Variants in GPC5 observed in about 807,000 individuals in gnomAD.
The protein encoded by GPC5 is glypican 5.
A neutral mutation model predicts 53.9 loss-of-function variants in GPC5; 47 were observed. The ratio of observed to expected loss-of-function variants is 0.87; its 90% confidence interval spans 0.69 to 1.11. The LOEUF is 1.11. Among genes scored for constraint, GPC5 ranks in the 50% most tolerant of loss-of-function variants. GPC5 has a pLI of 0.00. For missense variants in GPC5, 748 were observed against 713.1 expected, an observed-to-expected ratio of 1.05 and a Z score of -0.56; for synonymous variants, 286 against 263.3, an observed-to-expected ratio of 1.09 and a Z score of -0.84.
intron 2 of GPC5, among the ~76,000 whole-genome samples, chr13:91,478,834 CAT>C (rs1566435406): frequency 3.2e-4 from 25 of 78,380 alleles, no homozygotes; most frequent in South Asian, 1.3e-3. Flanking sequence ...CACACACACA[CAT>C]ATATATACAC....
chr13:92,007,877 T>C (rs2040621840), intron 6 of GPC5, among the ~76,000 whole-genome samples: 1 of 152,138 alleles, frequency 6.6e-6, no homozygotes, highest in Non-Finnish European at 1.5e-5. Context: ...AGTCTCCCTT[T>C]ATGCCATGTA....
At chr13:92,354,072 G>T (rs1291037804) in intron 7 of GPC5, among the ~76,000 whole-genome samples, 2 of 152,046 alleles carry the variant, frequency 1.3e-5, no homozygotes, top group South Asian at 4.1e-4. Flanking sequence ...AATAAGTCTT[G>T]TTACCAACAT....
chr13:92,768,476 T>G (rs1875493671), intron 7 of GPC5, among the ~76,000 whole-genome samples: 1 of 152,184 alleles, frequency 6.6e-6, no homozygotes, highest in East Asian at 1.9e-4. Context: ...TTTTATCTAA[T>G]TCATTTCTCT....
intron 3 of GPC5, among the ~76,000 whole-genome samples, chr13:91,709,229 T>G (rs1269217862): frequency 6.6e-6 from 1 of 152,226 alleles, no homozygotes; most frequent in Non-Finnish European, 1.5e-5. Flanking sequence ...GTCTACTCTC[T>G]ACACAGAAGT....
At chr13:92,078,121 A>G (rs1388987448) in intron 6 of GPC5, among the ~76,000 whole-genome samples, 1 of 152,222 alleles carries the variant, frequency 6.6e-6, no homozygotes, top group Admixed American at 6.5e-5. Flanking sequence ...CCAAATTATA[A>G]TTAGCTAAAG....
chr13:92,860,945 T>G (rs1879158817), intron 7 of GPC5, among the ~76,000 whole-genome samples: 1 of 152,074 alleles, frequency 6.6e-6, no homozygotes, highest in South Asian at 2.1e-4. Context: ...ACCTAATTAT[T>G]GCTAAATGCT....
intron 5 of GPC5, among the ~76,000 whole-genome samples, chr13:91,801,081 C>T (rs1372970276): frequency 6.6e-6 from 1 of 152,080 alleles, no homozygotes; most frequent in East Asian, 1.9e-4. Context: ...TTGAAATTCT[C>T]TTAAATAGAA....
rs576701404 is a variant in GPC5, at chr13:92,740,557, T to C, written c.1562-125725T>C. 2.6e-5 allele frequency among the ~76,000 whole-genome samples: 4 copies of C among 152,158 alleles called. No homozygotes were observed. In the South Asian group the frequency reaches 8.3e-4, roughly 32 times the overall value. On this transcript the variant is annotated intron_variant, in intron 7 of 7. Transcript: ENST00000377067. ...AAGTGCTTGGTATGTATAGAACATG[T>C]TGAGCATTAAATAACTAAATTATTA...
chr13:92,689,240 C>G (rs1887325054), intron 7 of GPC5, among the ~76,000 whole-genome samples: 1 of 66,790 alleles, frequency 1.5e-5, no homozygotes, highest in Non-Finnish European at 3.8e-5. Flanking sequence ...CTTTATGAAT[C>G]TGGGTGCTCC....
At chr13:91,948,731 T>C (rs1238628277) in intron 6 of GPC5, among the ~76,000 whole-genome samples, 1 of 152,224 alleles carries the variant, frequency 6.6e-6, no homozygotes, top group Admixed American at 6.5e-5. Context: ...ATGTGATAAG[T>C]ACTTCAATCC....
At chr13:92,275,156 GGTCA>G (rs2042866630) in intron 7 of GPC5, among the ~76,000 whole-genome samples, 2 of 151,702 alleles carry the variant, frequency 1.3e-5, no homozygotes, top group African/African-American at 4.8e-5. Context: ...CATAAAACAT[GGTCA>G]GTTAAGCTAA....
At chr13:91,946,574 TGTAATATAAATTTACCTAC>T (rs2039976269) in intron 6 of GPC5, among the ~76,000 whole-genome samples, 1 of 152,214 alleles carries the variant, frequency 6.6e-6, no homozygotes, top group South Asian at 2.1e-4. Flanking sequence ...CTGTATTTTC[TGTAATATAAATTTACCTAC>T]GTAGGTGCAA....
chr13:92,614,596 G>A (rs940736013), intron 7 of GPC5, among the ~76,000 whole-genome samples: 3 of 152,142 alleles, frequency 2.0e-5, no homozygotes, highest in African/African-American at 2.4e-5. Flanking sequence ...AAAACCATCC[G>A]CTTACTACAG....
At chr13:92,823,643 T>C (rs1044836076) in intron 7 of GPC5, among the ~76,000 whole-genome samples, 3 of 152,130 alleles carry the variant, frequency 2.0e-5, no homozygotes, top group Admixed American at 6.6e-5. Context: ...AAAACTCATA[T>C]TGAAGTTTAA....
chr13:92,586,851 C>T (rs1883551515), intron 7 of GPC5, among the ~76,000 whole-genome samples: 1 of 152,134 alleles, frequency 6.6e-6, no homozygotes, highest in Non-Finnish European at 1.5e-5. Context: ...AGTACCAACT[C>T]CTGGGGCTTA....
intron 7 of GPC5, among the ~76,000 whole-genome samples, chr13:92,199,891 T>C (rs2042282350): frequency 6.6e-6 from 1 of 152,196 alleles, no homozygotes; most frequent in South Asian, 2.1e-4. Flanking sequence ...GGAATTTCTT[T>C]GAGAAAATAG....
At chr13:92,437,740 A>G (rs1210932885) in intron 7 of GPC5, among the ~76,000 whole-genome samples, 2 of 152,038 alleles carry the variant, frequency 1.3e-5, no homozygotes, top group Admixed American at 6.6e-5. Flanking sequence ...CTCTGTATAA[A>G]TCTCACAAGA....
intron 7 of GPC5, among the ~76,000 whole-genome samples, chr13:92,320,252 A>T (rs1041421323): frequency 6.6e-6 from 1 of 152,156 alleles, no homozygotes; most frequent in Non-Finnish European, 1.5e-5. Context: ...TGCATTGAAC[A>T]ATCTAGGAAA....
At chr13:91,777,022 A>T (rs2037721494) in intron 5 of GPC5, among the ~76,000 whole-genome samples, 1 of 152,164 alleles carries the variant, frequency 6.6e-6, no homozygotes, top group Non-Finnish European at 1.5e-5. Flanking sequence ...CTTCCTGCTA[A>T]CCTTTAACCC....
Sources: gnomAD v4.1 joint callset for allele counts (sites outside exome capture counted in the v4.1 genomes callset) on GRCh38, gnomAD v4.1.1 for gene constraint, MANE v1.5 for transcripts, NCBI Gene and HGNC (gene_info 2026-07-23, HGNC 2026-07-21) for gene names.